Variants in STAU2 observed in about 807,000 individuals in gnomAD.
STAU2 encodes the protein double-stranded RNA-binding protein Staufen homolog 2.
Under a neutral mutation model 65.9 loss-of-function variants are expected in STAU2, and 20 were observed. That is an observed-to-expected ratio of 0.30 (90% CI 0.21 to 0.44). The LOEUF (loss-of-function observed/expected upper bound fraction) is 0.44, where lower values mean the gene tolerates loss of function less well. Ranked by LOEUF, STAU2 falls within the 20% of genes least tolerant of loss-of-function variation. The pLI is 1.00. For synonymous variants in STAU2, 232 were observed against 233.9 expected (o/e 0.99, Z 0.07); for missense variants, 558 against 683.9 (o/e 0.82, Z 2.05).
At chr8:73,653,503 TCTTTA>T (rs1478324614) in intron 6 of STAU2, 1 of 152,504 alleles carries the variant, frequency 6.6e-6, no homozygotes, top group Non-Finnish European at 1.5e-5. Flanking sequence ...CTTCCCTTCT[TCTTTA>T]CTTCTTTCAA....
At position 73,621,014 on chromosome 8, in the gene STAU2, T is replaced by G. The variant is rs368486851; in HGVS notation, c.411-3563A>C. ...TGGTAAAGAAATACCCAAAGTTTAT[T>G]AATTATAAAGATCGATATGTTCTAT... On this transcript the variant is annotated intron_variant, in intron 6 of 14. Coordinates refer to ENST00000524300, the MANE Select transcript of STAU2 (RefSeq NM_001164380.2). 2.0e-5 allele frequency among the ~76,000 whole-genome samples: 3 copies of G among 152,330 alleles called. No homozygotes were observed. The East Asian group carries it at 5.8e-4, about 29-fold the overall frequency.
At position 73,715,937 on chromosome 8, in the gene STAU2, C is replaced by T. The variant is rs566179511; in HGVS notation, c.-17-6775G>A. On this transcript the variant is annotated intron_variant, in intron 3 of 14. Transcript: ENST00000524300. ...TATTTATCTTCTTTTTTTTTTGAGA[C>T]GGAGTCTCACTCTGTCACCCAGGCT... 5.3e-5 allele frequency among the ~76,000 whole-genome samples: 8 copies of T among 151,896 alleles called. No homozygotes were observed. The South Asian group carries it at 1.0e-3, about 20-fold the overall frequency.
At chr8:73,586,635 GAAAAAAAATGCAAAAAAAAAAAAA>G (rs948476422) in intron 11 of STAU2, among the ~76,000 whole-genome samples, 1 of 12,768 alleles carries the variant, frequency 7.8e-5, no homozygotes, top group African/African-American at 3.2e-4. Context: ...GAGAACAGAA[GAAAAAAAATGCAAAAAAAAAAAAA>G]AAAAAAAATC....
chr8:73,582,877 C>CA (rs779454357), intron 11 of STAU2, 47 bp from the exon 12 acceptor site: 18 of 1,508,178 alleles, frequency 1.2e-5, no homozygotes, highest in Middle Eastern at 1.8e-4. Context: ...CAAGCTTATT[C>CA]AAAAAGAAAA....
intron 13 of STAU2, among the ~76,000 whole-genome samples, chr8:73,491,872 C>T (rs1821169196): frequency 6.6e-6 from 1 of 151,844 alleles, no homozygotes; most frequent in African/African-American, 2.4e-5. Context: ...TAAACTTATC[C>T]TTAAGAAATA....
intron 13 of STAU2, among the ~76,000 whole-genome samples, chr8:73,449,806 G>A (rs1818694670): frequency 6.6e-6 from 1 of 152,198 alleles, no homozygotes; most frequent in African/African-American, 2.4e-5. Flanking sequence ...GGAGGGCTTA[G>A]GGTGGGGGTG....
intron 13 of STAU2, among the ~76,000 whole-genome samples, chr8:73,424,991 C>A (rs573025103): frequency 1.3e-5 from 2 of 152,102 alleles, no homozygotes; most frequent in African/African-American, 4.8e-5. Flanking sequence ...TGATGCCACC[C>A]CATAGCTCCT....
chr8:73,666,134 T>C (rs1817222991), intron 6 of STAU2, among the ~76,000 whole-genome samples: 1 of 152,170 alleles, frequency 6.6e-6, no homozygotes, highest in Admixed American at 6.6e-5. Flanking sequence ...CAACATCAAC[T>C]GTTGTACTTT....
chr8:73,647,053 G>A (rs563912287), intron 6 of STAU2, among the ~76,000 whole-genome samples: 7 of 151,722 alleles, frequency 4.6e-5, no homozygotes, highest in African/African-American at 1.4e-4. Context: ...ACATCAGAAT[G>A]ACCAAAATAA....
intron 13 of STAU2, among the ~76,000 whole-genome samples, chr8:73,457,848 CCTGAGATACTCCCTTGTTGCA>C (rs1819152444): frequency 6.6e-6 from 1 of 152,170 alleles, no homozygotes; most frequent in African/African-American, 2.4e-5. Context: ...TGGGGCAGAG[CCTGAGATACTCCCTTGTTGCA>C]CTGGGTGTGA....
chr8:73,529,945 C>G (rs1028612336), intron 13 of STAU2, among the ~76,000 whole-genome samples: 1 of 152,178 alleles, frequency 6.6e-6, no homozygotes, highest in African/African-American at 2.4e-5. Context: ...ACTAAGTAGA[C>G]TGTAAAAGAA....
At chr8:73,638,521 A>G (rs1814722795) in intron 6 of STAU2, among the ~76,000 whole-genome samples, 1 of 150,450 alleles carries the variant, frequency 6.6e-6, no homozygotes, top group African/African-American at 2.4e-5. Context: ...TTTTTTTTAA[A>G]AAGAGTCCAT....
intron 13 of STAU2, among the ~76,000 whole-genome samples, chr8:73,431,469 C>T (rs1817285170): frequency 6.6e-6 from 1 of 152,182 alleles, no homozygotes; most frequent in Non-Finnish European, 1.5e-5. Context: ...TTTCCTTATT[C>T]CTGTCTTTTC....
intron 13 of STAU2, chr8:73,551,501 C>G (rs1350673744): frequency 2.0e-6 from 2 of 987,084 alleles, no homozygotes; most frequent in African/African-American, 3.5e-5. Flanking sequence ...TAATTAACTC[C>G]TAAGGTAATA....
At chr8:73,578,987 AC>A (rs60925472) in intron 12 of STAU2, among the ~76,000 whole-genome samples, 1 of 66,308 alleles carries the variant, frequency 1.5e-5, no homozygotes, top group Non-Finnish European at 3.4e-5. Flanking sequence ...ACCCCTACCC[AC>A]CCCCCCAAAA....
Position 73,746,641 on chromosome 8 carries a change from G to A in STAU2, c.-197+142C>T, listed in dbSNP as rs927500812. ...AGCCCGATGTGGGAGGGAAGGCGCG[G>A]GGGAGGGGAGGCCGCGAAGGGGGCT... On this transcript the variant is annotated intron_variant, in intron 1 of 14. Coordinates refer to ENST00000524300, the MANE Select transcript of STAU2 (RefSeq NM_001164380.2). 30 of 407,366 alleles carry A rather than the reference G, an allele frequency of 7.4e-5. No homozygotes were observed. The South Asian group carries it at 1.2e-3, about 16-fold the overall frequency. The allele number at this position is 407,366 out of a possible 1,614,324, so 25.2% of individuals were successfully genotyped here.
intron 6 of STAU2, among the ~76,000 whole-genome samples, chr8:73,664,713 G>GGT (rs1448703985): frequency 6.6e-6 from 1 of 152,088 alleles, no homozygotes; most frequent in Non-Finnish European, 1.5e-5. Flanking sequence ...TTATCTGGCT[G>GGT]GGCATGGTGG....
chr8:73,578,853 T>TTTC (rs1384295037), intron 12 of STAU2, among the ~76,000 whole-genome samples: 2 of 152,308 alleles, frequency 1.3e-5, no homozygotes, highest in Admixed American at 1.3e-4. Context: ...TACAAAGTGG[T>TTTC]TTCTACTATG....
Position 73,614,044 on chromosome 8 carries a change from AATTAGT to A in STAU2, c.679-94_679-89del, listed in dbSNP as rs1483900369. On this transcript the variant is annotated intron_variant, in intron 8 of 14. Transcript: ENST00000524300. The stretch of plus-strand genomic sequence containing the variant: ...GACTTAATATTCATATCAAAACCAA[AATTAGT>A]ATTATGCCAAAATTATAGTATTTCT... The A allele has an allele frequency of 1.0e-5, 10 of 992,046 alleles. No individual in the cohort carries two copies. The African/African-American group carries it at 1.5e-4, about 15-fold the overall frequency. The allele number at this position is 992,046 out of a possible 1,614,324, so 61.5% of individuals were successfully genotyped here. A position where few individuals can be genotyped will look rare whatever the true frequency, so the allele number is the denominator to read the frequency against.
Sources: allele counts gnomAD v4.1 joint callset (sites outside exome capture counted in the v4.1 genomes callset), GRCh38; gene constraint gnomAD v4.1.1; transcripts MANE v1.5; gene names NCBI Gene and HGNC (gene_info 2026-07-23, HGNC 2026-07-21).